The following SCAI variants were observed in gnomAD, a reference collection of about 807,000 sequenced individuals.
SCAI encodes suppressor of cancer cell invasion.
Under a neutral mutation model 92.2 loss-of-function variants are expected in SCAI, and 24 were observed. That is an observed-to-expected ratio of 0.26 (90% CI 0.19 to 0.37). The LOEUF (loss-of-function observed/expected upper bound fraction) is 0.37. Ranked by LOEUF, SCAI falls within the 10% of genes least tolerant of loss-of-function variation. The pLI is 1.00. For missense variants in SCAI, 450 were observed against 736.2 expected, an observed-to-expected ratio of 0.61 and a Z score of 4.50; for synonymous variants, 261 against 258.6, an observed-to-expected ratio of 1.01 and a Z score of -0.09.
intron 9 of SCAI, among the ~76,000 whole-genome samples, chr9:125,014,134 C>T (rs1253984466): frequency 2.0e-5 from 3 of 152,154 alleles, no homozygotes; most frequent in Non-Finnish European, 2.9e-5. Flanking sequence ...CAGGGATGCC[C>T]TCTCTCACCA....
chr9:125,009,072 T>G (rs1304314209), intron 9 of SCAI, among the ~76,000 whole-genome samples: 3 of 151,970 alleles, frequency 2.0e-5, no homozygotes, highest in Non-Finnish European at 4.4e-5. Flanking sequence ...GAAAAAAAAT[T>G]ATCAAACTCA....
At chr9:124,985,455 A>G (rs1831969256) in intron 14 of SCAI, among the ~76,000 whole-genome samples, 1 of 152,168 alleles carries the variant, frequency 6.6e-6, no homozygotes, top group African/African-American at 2.4e-5. Flanking sequence ...GGCTCTATGA[A>G]CTTCATACAA....
At chr9:125,041,413 C>G (rs899056837) in intron 3 of SCAI, among the ~76,000 whole-genome samples, 1 of 152,160 alleles carries the variant, frequency 6.6e-6, no homozygotes, top group Non-Finnish European at 1.5e-5. Context: ...TCAGCAACAC[C>G]AACTTTGTGA....
intron 2 of SCAI, among the ~76,000 whole-genome samples, chr9:125,073,642 G>C (rs1834027100): frequency 6.6e-6 from 1 of 152,056 alleles, no homozygotes; most frequent in Non-Finnish European, 1.5e-5. Flanking sequence ...TTGGCCATTT[G>C]CATATCTTCT....
chr9:124,981,017 C>T (rs561813331), intron 14 of SCAI, among the ~76,000 whole-genome samples: 2 of 152,288 alleles, frequency 1.3e-5, no homozygotes, highest in East Asian at 1.9e-4. Context: ...TATAGTTTAA[C>T]TCCCATAGGA....
intron 8 of SCAI, 50 bp from the exon 9 acceptor site, chr9:125,019,001 AAT>A: frequency 6.3e-7 from 1 of 1,586,798 alleles, no homozygotes; most frequent in Non-Finnish European, 8.6e-7. Flanking sequence ...ACTAAATATC[AAT>A]AGAGTAAGCT....
chr9:125,082,966 A>G (rs1834252368), intron 2 of SCAI, among the ~76,000 whole-genome samples: 1 of 152,142 alleles, frequency 6.6e-6, no homozygotes, highest in African/African-American at 2.4e-5. Flanking sequence ...ACTGTTGGGA[A>G]GGCATGATTG....
chr9:125,035,774 T>C (rs1332749435), intron 3 of SCAI, among the ~76,000 whole-genome samples: 1 of 152,086 alleles, frequency 6.6e-6, no homozygotes, highest in Non-Finnish European at 1.5e-5. Flanking sequence ...AAATGAATAA[T>C]GGGCCAGGCA....
chr9:125,003,478 T>C lies in SCAI; in HGVS notation c.954A>G (p.Pro318=), dbSNP rs776024897. Residue 318 remains proline, a synonymous_variant, in exon 10 of 18, where the codon CCA becomes CCG. Coordinates refer to ENST00000336505, the MANE Select transcript of SCAI (RefSeq NM_001144877.3). ...PMNLASQMNK[P]GMQESADKPT... is the part of the protein sequence containing the mutation. ...TAAAAGAGGAGATTACCTGCATTCCTGGTTTATTCATCTGGGAAGCTAAAT... is the reference window on the plus strand; with the variant it reads ...TAAAAGAGGAGATTACCTGCATTCCCGGTTTATTCATCTGGGAAGCTAAAT... 2 of 1,607,554 alleles carry C rather than the reference T, an allele frequency of 1.2e-6. No homozygotes were observed. Among genetic ancestry groups the C allele is most frequent in the East Asian group, 2.2e-5 (1 of 44,868 alleles).
At chr9:125,050,281 G>T (rs1833534559) in intron 3 of SCAI, among the ~76,000 whole-genome samples, 1 of 152,110 alleles carries the variant, frequency 6.6e-6, no homozygotes, top group Non-Finnish European at 1.5e-5. Flanking sequence ...GGGGGTGGAG[G>T]TGGGCGCAGG....
intron 9 of SCAI, among the ~76,000 whole-genome samples, chr9:125,007,851 T>A (rs1295314750): frequency 6.6e-6 from 1 of 151,434 alleles, no homozygotes; most frequent in Non-Finnish European, 1.5e-5. Flanking sequence ...TTTTTCTTTT[T>A]CTTTTTTTTT....
intron 9 of SCAI, among the ~76,000 whole-genome samples, chr9:125,018,435 T>C (rs946770312): frequency 2.0e-5 from 3 of 152,106 alleles, no homozygotes; most frequent in Non-Finnish European, 4.4e-5. Context: ...AAAAATAAAA[T>C]AAAAATCCCC....
At chr9:124,989,414 T>C (rs1221996566) in intron 14 of SCAI, among the ~76,000 whole-genome samples, 1 of 151,760 alleles carries the variant, frequency 6.6e-6, no homozygotes, top group Non-Finnish European at 1.5e-5. Flanking sequence ...ACCCCACCTC[T>C]ACTAAAAATA....
At chr9:125,028,601 A>C (rs2131086442) in intron 4 of SCAI, 123 bp from the exon 5 acceptor site, 3 of 461,308 alleles carry the variant, frequency 6.5e-6, no homozygotes, top group Non-Finnish European at 7.5e-6. Context: ...TTTTCATTAG[A>C]TTTCAATGTA....
intron 3 of SCAI, among the ~76,000 whole-genome samples, chr9:125,051,562 T>C (rs1395732013): frequency 6.6e-6 from 1 of 152,198 alleles, no homozygotes; most frequent in Non-Finnish European, 1.5e-5. Flanking sequence ...ATGATAAATG[T>C]TTGAAGTGAT....
intron 17 of SCAI, among the ~76,000 whole-genome samples, chr9:124,960,751 G>T (rs1187405088): frequency 2.0e-5 from 3 of 152,184 alleles, no homozygotes; most frequent in African/African-American, 7.2e-5. Context: ...AGGTTACACA[G>T]ATGTATTTCC....
At chr9:124,961,206 G>A (rs1293838096) in intron 17 of SCAI, among the ~76,000 whole-genome samples, 1 of 151,574 alleles carries the variant, frequency 6.6e-6, no homozygotes, top group African/African-American at 2.4e-5. Context: ...TGCTGAGGCA[G>A]GAGGATAGCT....
At chr9:125,038,452 C>A (rs1034623780) in intron 3 of SCAI, among the ~76,000 whole-genome samples, 1 of 152,180 alleles carries the variant, frequency 6.6e-6, no homozygotes, top group South Asian at 2.1e-4. Context: ...TTTTGAGCTG[C>A]TGTTTCTTGG....
chr9:125,141,329 T>C (rs1331403502), intron 2 of SCAI, among the ~76,000 whole-genome samples: 1 of 152,194 alleles, frequency 6.6e-6, no homozygotes, highest in Non-Finnish European at 1.5e-5. Flanking sequence ...AGGTTTTCTG[T>C]GTATTAACAT....
Sources: gnomAD v4.1 joint callset for allele counts (sites outside exome capture counted in the v4.1 genomes callset) on GRCh38, gnomAD v4.1.1 for gene constraint, MANE v1.5 for transcripts, NCBI Gene and HGNC (gene_info 2026-07-23, HGNC 2026-07-21) for gene names.